CEP192: variants seen among roughly 807,000 people sequenced by gnomAD.
The protein encoded by CEP192 is centrosomal protein of 192 kDa.
Under a neutral mutation model 271.8 loss-of-function variants are expected in CEP192, and 151 were observed. That is an observed-to-expected ratio of 0.56 (90% CI 0.49 to 0.64). The LOEUF is 0.64. Ranked by LOEUF, CEP192 falls within the 30% of genes least tolerant of loss-of-function variation. The pLI, the probability that CEP192 is intolerant of heterozygous loss-of-function variation, is 0.00. For missense variants in CEP192, 2,910 were observed against 3,020.5 expected (o/e 0.96, Z 0.86); for synonymous variants, 995 against 1,076.5 (o/e 0.92, Z 1.48).
chr18:13,048,062 T>G (rs977297016), intron 15 of CEP192, among the ~76,000 whole-genome samples: 5 of 152,200 alleles, frequency 3.3e-5, no homozygotes, highest in African/African-American at 1.2e-4. Context: ...TGCCATTAGA[T>G]CCTACATCAT....
intron 1 of CEP192, among the ~76,000 whole-genome samples, chr18:12,993,744 TTC>T (rs151111409): frequency 1.3e-5 from 2 of 151,932 alleles, no homozygotes; most frequent in Non-Finnish European, 2.9e-5. Context: ...CGTCTCTTAA[TTC>T]TCTCTTTCAG....
intron 2 of CEP192, among the ~76,000 whole-genome samples, chr18:12,999,916 A>G (rs1332851976): frequency 1.4e-5 from 2 of 145,306 alleles, no homozygotes; most frequent in Non-Finnish European, 3.0e-5. Context: ...AAGTTGTGTT[A>G]GCGAAGTTCA....
chr18:13,001,686 T>G (rs2033654670), intron 3 of CEP192, 104 bp downstream of exon 3: 4 of 1,171,472 alleles, frequency 3.4e-6, no homozygotes, highest in East Asian at 2.8e-5. Flanking sequence ...TCTGATTAAT[T>G]CTAAGAATCT....
chr18:13,010,732 G>A (rs1167698507), intron 4 of CEP192, among the ~76,000 whole-genome samples: 1 of 152,076 alleles, frequency 6.6e-6, no homozygotes, highest in Non-Finnish European at 1.5e-5. Flanking sequence ...TTTAATCCCA[G>A]CTACGTGGGA....
intron 10 of CEP192, 47 bp downstream of exon 10, chr18:13,030,049 A>G: frequency 7.5e-7 from 1 of 1,332,034 alleles, no homozygotes; most frequent in Non-Finnish European, 1.0e-6. Flanking sequence ...AGATGTTCAT[A>G]CATTTTGAAT....
chr18:13,036,188 T>C (rs2035907130), intron 11 of CEP192, among the ~76,000 whole-genome samples: 1 of 151,616 alleles, frequency 6.6e-6, no homozygotes. Context: ...TAATAAGAAA[T>C]GGTCACTTAA....
At chr18:13,008,989 C>G (rs992583391) in intron 4 of CEP192, among the ~76,000 whole-genome samples, 2 of 149,688 alleles carry the variant, frequency 1.3e-5, no homozygotes, top group Admixed American at 6.6e-5. Context: ...GATTATGGGC[C>G]TAAGCCACTG....
At chr18:13,010,334 A>C (rs1235022719) in intron 4 of CEP192, among the ~76,000 whole-genome samples, 1 of 152,198 alleles carries the variant, frequency 6.6e-6, no homozygotes, top group Non-Finnish European at 1.5e-5. Flanking sequence ...TCAGTACTCA[A>C]AAGGACTTGC....
At chr18:13,111,146 A>T (rs1156972461) in intron 40 of CEP192, among the ~76,000 whole-genome samples, 1 of 152,140 alleles carries the variant, frequency 6.6e-6, no homozygotes, top group Non-Finnish European at 1.5e-5. Context: ...TTGTTTTGAG[A>T]TGGAGTCTTA....
intron 27 of CEP192, among the ~76,000 whole-genome samples, chr18:13,070,252 G>T (rs559523316): frequency 6.6e-6 from 1 of 152,194 alleles, no homozygotes; most frequent in East Asian, 1.9e-4. Context: ...GACAAAGTCC[G>T]TATATTTCTT....
chr18:13,069,224 G>C (rs1481110846), intron 26 of CEP192, 43 bp downstream of exon 26: 2 of 1,501,266 alleles, frequency 1.3e-6, no homozygotes, highest in Non-Finnish European at 1.9e-6. Flanking sequence ...TCTTTCCTCA[G>C]ACTGTGAGAG....
intron 3 of CEP192, among the ~76,000 whole-genome samples, chr18:13,005,687 G>GT (rs1481585385): frequency 6.6e-6 from 1 of 152,216 alleles, no homozygotes; most frequent in Non-Finnish European, 1.5e-5. Flanking sequence ...GCTGGTCTGA[G>GT]TATAGGGCTT....
intron 9 of CEP192, among the ~76,000 whole-genome samples, chr18:13,019,416 A>G (rs375162118): frequency 5.3e-5 from 8 of 152,312 alleles, no homozygotes; most frequent in Middle Eastern, 3.4e-3. Context: ...ATTGACTTGC[A>G]TTTAGATTAG....
intron 44 of CEP192, among the ~76,000 whole-genome samples, chr18:13,123,109 GA>G (rs1375542792): frequency 6.6e-6 from 1 of 152,080 alleles, no homozygotes; most frequent in Non-Finnish European, 1.5e-5. Context: ...TTCTTCCAGA[GA>G]TTTTTTTGGG....
At chr18:12,991,779 C>G (rs1355299370) in intron 1 of CEP192, among the ~76,000 whole-genome samples, 2 of 152,346 alleles carry the variant, frequency 1.3e-5, no homozygotes, top group African/African-American at 2.4e-5. Context: ...GGGACAGGCC[C>G]TCTCCGTGCT....
chr18:13,107,879 T>A (rs2040026567), intron 40 of CEP192, among the ~76,000 whole-genome samples: 1 of 89,756 alleles, frequency 1.1e-5, no homozygotes, highest in Non-Finnish European at 2.2e-5. Flanking sequence ...AAAGATAGTA[T>A]CTCCAAAAAA....
intron 6 of CEP192, among the ~76,000 whole-genome samples, chr18:13,016,714 T>A (rs1258867548): frequency 6.6e-6 from 1 of 152,190 alleles, no homozygotes; most frequent in African/African-American, 2.4e-5. Flanking sequence ...TGAGGGGTCA[T>A]GTTTTATTTT....
Position 13,056,650 on chromosome 18 carries a change from A to G in CEP192, c.4060A>G (p.Thr1354Ala), listed in dbSNP as rs747878360. The change falls in exon 19 of 45, where the codon ACA becomes GCA. Residue 1354 changes from threonine to alanine, a missense_variant. By Grantham distance (58) the Thr-to-Ala change is moderately conservative. Transcript: ENST00000506447. ...TKPFPVPSVG[T>A]NCGIEPWDSG... ...ACCTTTTCCTGTGCCGTCTGTTGGT[A>G]CAAACTGTGGAATTGAACCATGGGA... 16 of 1,613,270 alleles carry G rather than the reference A, an allele frequency of 9.9e-6. No homozygotes were observed. The highest frequency in any genetic ancestry group is 9.9e-5 in the South Asian group (9 of 90,922).
intron 21 of CEP192, among the ~76,000 whole-genome samples, chr18:13,060,240 C>G (rs1050985776): frequency 6.6e-5 from 10 of 152,198 alleles, no homozygotes; most frequent in Admixed American, 1.3e-4. Context: ...TCCCATACAG[C>G]TTGTTACTGT....
Sources: allele counts gnomAD v4.1 joint callset (sites outside exome capture counted in the v4.1 genomes callset), GRCh38; gene constraint gnomAD v4.1.1; transcripts MANE v1.5; gene names NCBI Gene and HGNC (gene_info 2026-07-23, HGNC 2026-07-21).